SNAP91: variants seen among roughly 807,000 people sequenced by gnomAD.
SNAP91 encodes the protein synaptosome associated protein 91, also known as clathrin coat assembly protein AP180.
Under a neutral mutation model 100.3 loss-of-function variants are expected in SNAP91, and 27 were observed. The ratio of observed to expected loss-of-function variants is 0.27; its 90% confidence interval spans 0.20 to 0.37. The LOEUF is 0.37. Among genes scored for constraint, SNAP91 ranks in the 10% least tolerant of loss-of-function variants. The pLI, the probability that SNAP91 is intolerant of heterozygous loss-of-function variation, is 1.00. For synonymous variants in SNAP91, 404 were observed against 398.6 expected (o/e 1.01, Z -0.16); for missense variants, 986 against 1,123.7 (o/e 0.88, Z 1.75).
Position 83,626,500 on chromosome 6 carries a change from T to C in SNAP91, c.766-3158A>G, listed in dbSNP as rs186557632. Among the ~76,000 whole-genome samples, 8 of 152,286 alleles carry C rather than the reference T, an allele frequency of 5.3e-5. No individual in the cohort carries two copies. The East Asian group carries it at 1.5e-3, about 29-fold the overall frequency. On this transcript the variant is annotated intron_variant, in intron 8 of 29. Coordinates refer to ENST00000369694, the MANE Select transcript of SNAP91 (RefSeq NM_001242792.2). ...TCTTCCAATCCATGAGCATGAAATG[T>C]TTTTCCATTTGTTTGTGTCATCTCT...
chr6:83,683,635 T>C (rs1196856179), intron 2 of SNAP91, among the ~76,000 whole-genome samples: 2 of 152,160 alleles, frequency 1.3e-5, no homozygotes, highest in Admixed American at 6.6e-5. Flanking sequence ...TCAAATAAAC[T>C]TCTTTTCTTT....
At chr6:83,678,551 G>C (rs2098942773) in intron 2 of SNAP91, among the ~76,000 whole-genome samples, 1 of 152,104 alleles carries the variant, frequency 6.6e-6, no homozygotes, top group African/African-American at 2.4e-5. Context: ...AAAATAAATA[G>C]TTCAGAAATG....
chr6:83,674,220 T>C (rs1684845389), intron 2 of SNAP91, among the ~76,000 whole-genome samples: 1 of 151,506 alleles, frequency 6.6e-6, no homozygotes, highest in African/African-American at 2.4e-5. Context: ...AGGTCGGGAG[T>C]TTGAAACCTG....
At chr6:83,555,947 C>T (rs141183254) in intron 29 of SNAP91, among the ~76,000 whole-genome samples, 196 bp downstream of exon 29, 24 of 152,024 alleles carry the variant, frequency 1.6e-4, no homozygotes, top group African/African-American at 5.8e-4. Context: ...GGTTACTTTC[C>T]CTCCTAGTTA....
At chr6:83,604,292 T>C (rs994799123) in intron 14 of SNAP91, among the ~76,000 whole-genome samples, 3 of 152,144 alleles carry the variant, frequency 2.0e-5, no homozygotes, top group Non-Finnish European at 4.4e-5. Context: ...AGCAATATTT[T>C]CCTTTACCAA....
chr6:83,593,239 C>T lies in SNAP91; in HGVS notation c.1717G>A (p.Glu573Lys), dbSNP rs867746242. ...IFGDLFESTP[E>K]VAAAPKPDAA... The stretch of plus-strand genomic sequence containing the variant: ...TCTGGCTTAGGCGCTGCAGCAACTT[C>T]AGGAGTGGACTCAAATAAATCTAAG... Residue 573 changes from glutamate to lysine, a missense_variant, in exon 19 of 30, where the codon GAA becomes AAA. Glu to Lys is a moderately conservative substitution (Grantham distance 56). This residue lies in a region of SNAP91 where 575 missense variants were observed against 579.9 expected (regional missense o/e 0.99). Coordinates refer to ENST00000369694, the MANE Select transcript of SNAP91 (RefSeq NM_001242792.2). The T allele has an allele frequency of 1.9e-6, 3 of 1,593,912 alleles. No individual in the cohort carries two copies. Among genetic ancestry groups the T allele is most frequent in the Non-Finnish European group, 2.6e-6 (3 of 1,169,672 alleles).
chr6:83,590,881 C>T (rs772967904), intron 22 of SNAP91, among the ~76,000 whole-genome samples: 2 of 152,162 alleles, frequency 1.3e-5, no homozygotes, highest in African/African-American at 4.8e-5. Flanking sequence ...AAACTTCTAT[C>T]GTACAATGAC....
chr6:83,563,257 A>G (rs1338552948), intron 26 of SNAP91, among the ~76,000 whole-genome samples: 4 of 152,198 alleles, frequency 2.6e-5, no homozygotes, highest in African/African-American at 9.7e-5. Flanking sequence ...AGAGACCTCA[A>G]AAATGAATAA....
chr6:83,655,586 TTTA>T (rs1343707399), intron 7 of SNAP91, among the ~76,000 whole-genome samples: 2 of 152,192 alleles, frequency 1.3e-5, no homozygotes, highest in African/African-American at 4.8e-5. Flanking sequence ...TTTACCTTGG[TTTA>T]TTTTTACCTA....
At position 83,707,913 on chromosome 6, in the gene SNAP91, C is replaced by A; in HGVS notation, c.15G>T (p.Thr5=). The A allele has an allele frequency of 1.9e-6, 3 of 1,588,180 alleles. No homozygotes were observed. The highest frequency in any genetic ancestry group is 2.6e-6 in the Non-Finnish European group (3 of 1,171,578). Residue 5 remains threonine (T), a synonymous_variant, in exon 2 of 30, where the codon ACG becomes ACT. Coordinates refer to ENST00000369694, the MANE Select transcript of SNAP91 (RefSeq NM_001242792.2). MSGQ[T]LTDRIAAAQY... ...GAGCGGCGGCGATCCGATCCGTGAG[C>A]GTTTGGCCCGACATCTTCTGTGGTC...
At chr6:83,624,806 C>G (rs2096868579) in intron 8 of SNAP91, among the ~76,000 whole-genome samples, 1 of 152,122 alleles carries the variant, frequency 6.6e-6, no homozygotes, top group South Asian at 2.1e-4. Flanking sequence ...TTGCCTTAAT[C>G]TCTCTGGATC....
intron 2 of SNAP91, among the ~76,000 whole-genome samples, chr6:83,690,053 A>G (rs7749272): frequency 0.064 from 9,774 of 152,140 alleles, 318 homozygotes; most frequent in Middle Eastern, 0.086. Context: ...TTGCTGAACA[A>G]TGAGTTAAAA....
At chr6:83,648,562 C>T (rs1331293150) in intron 7 of SNAP91, among the ~76,000 whole-genome samples, 1 of 151,862 alleles carries the variant, frequency 6.6e-6, no homozygotes. Flanking sequence ...GACGTTTTAC[C>T]ATTTTACATT....
rs141275141 is a variant in SNAP91, at chr6:83,650,949, C to T, written c.658+5805G>A. Among the ~76,000 whole-genome samples, 9 of 152,236 alleles carry T rather than the reference C, an allele frequency of 5.9e-5. No individual in the cohort carries two copies. In the East Asian group the frequency reaches 1.7e-3, roughly 29 times the overall value. On this transcript the variant is annotated intron_variant, in intron 7 of 29. Coordinates refer to ENST00000369694, the MANE Select transcript of SNAP91 (RefSeq NM_001242792.2). ...ACTAAGTATCTTTAATAGATAGAGG[C>T]CTATCCAGGTTGTCTATTTCTTCTT...
At chr6:83,700,318 G>A (rs2099275201) in intron 2 of SNAP91, among the ~76,000 whole-genome samples, 2 of 151,946 alleles carry the variant, frequency 1.3e-5, no homozygotes, top group African/African-American at 4.8e-5. Flanking sequence ...AAAGGAGGGG[G>A]CAAAAAGAAG....
chr6:83,561,040 G>C (rs575452620), intron 26 of SNAP91, 93 bp from the exon 27 acceptor site: 2 of 838,790 alleles, frequency 2.4e-6, no homozygotes, highest in Non-Finnish European at 3.6e-6. Flanking sequence ...AATATAATTT[G>C]GTATTTATTT....
intron 10 of SNAP91, 103 bp from the exon 11 acceptor site, chr6:83,614,965 T>C (rs557929080): frequency 1.0e-6 from 1 of 955,202 alleles, no homozygotes; most frequent in Non-Finnish European, 1.6e-6. Flanking sequence ...CAAGTTCAAA[T>C]GTGGTTTTAG....
chr6:83,630,414 A>C (rs2097158994), intron 8 of SNAP91, among the ~76,000 whole-genome samples: 1 of 152,090 alleles, frequency 6.6e-6, no homozygotes, highest in African/African-American at 2.4e-5. Context: ...AATAGTGTCA[A>C]TAGGATTGAT....
rs754162887 is a variant in SNAP91, at chr6:83,610,691, T to TA, written c.885-15dup. ...GGAGCACCAGATCTAAAAGGCAACA[T>TA]AAAAAAAAATTAAAACTGAATATAT... On this transcript the variant is annotated splice_polypyrimidine_tract_variant and intron_variant, in intron 11 of 29. Transcript: ENST00000369694. The TA allele has an allele frequency of 3.2e-4, 120 of 380,724 alleles. No individual in the cohort carries two copies. The highest frequency in any genetic ancestry group is 6.5e-4 in the African/African-American group (22 of 34,078). The allele number at this position is 380,724 out of a possible 1,614,324, so 23.6% of individuals were successfully genotyped here. A position where few individuals can be genotyped will look rare whatever the true frequency, so the allele number is the denominator to read the frequency against.
Sources: gnomAD v4.1 joint callset for allele counts (sites outside exome capture counted in the v4.1 genomes callset) on GRCh38, gnomAD v4.1.1 for gene constraint, gnomAD v4.1.1 regional missense constraint, MANE v1.5 for transcripts, NCBI Gene and HGNC (gene_info 2026-07-23, HGNC 2026-07-21) for gene names.